The following PZP variants were observed in gnomAD, a reference collection of about 807,000 sequenced individuals.
PZP encodes PZP alpha-2-macroglobulin like.
In PZP, 150 loss-of-function variants were observed where a neutral mutation model predicts 179.8. That is an observed-to-expected ratio of 0.83 (90% CI 0.73 to 0.96). PZP has a LOEUF of 0.96. Ranked by LOEUF, PZP falls within the 40% of genes least tolerant of loss-of-function variation. The pLI is 0.00. For synonymous variants in PZP, 624 were observed against 652.3 expected (o/e 0.96, Z 0.66); for missense variants, 1,689 against 1,764.0 (o/e 0.96, Z 0.76).
At chr12:9,177,261 G>T (rs1162027953) in intron 15 of PZP, among the ~76,000 whole-genome samples, 2 of 152,208 alleles carry the variant, frequency 1.3e-5, no homozygotes, top group East Asian at 3.9e-4. Context: ...ATGCTCTGGA[G>T]AAAATCAGTT....
At chr12:9,148,028 AACTACTCTCATGCCATTTGATTT>A (rs1462125855), downstream of PZP, among the ~76,000 whole-genome samples, 57 of 152,204 alleles carry the variant, frequency 3.7e-4, 2 homozygotes, top group African/African-American at 1.3e-3. Flanking sequence ...AAAAGGCATT[AACTACTCTCATGCCATTTGATTT>A]TACCATCTGC....
Position 9,161,036 on chromosome 12 carries a change from G to T in PZP, c.2869C>A (p.Leu957Met). The T allele has an allele frequency of 1.3e-6, 2 of 1,581,290 alleles. No homozygotes were observed. The highest frequency in any genetic ancestry group is 1.7e-6 in the Non-Finnish European group (2 of 1,150,224). The change falls in exon 23 of 36, where the codon CTG (leucine) becomes ATG (methionine). Residue 957 changes from leucine to methionine, a missense_variant. This residue lies in a region of PZP where 746 missense variants were observed against 749.2 expected (regional missense o/e 1.00). Coordinates refer to ENST00000261336, the MANE Select transcript of PZP (RefSeq NM_002864.3). ...KESARASFSVLGDILGSAMQN... is the reference protein window; with the variant it reads ...KESARASFSVMGDILGSAMQN... ...TACTAAATGGAAGGTGACTCACCCA[G>T]AACTGAGAAAGAAGCTCTGGCAGAT...
At chr12:9,157,618 T>C in intron 27 of PZP, 149 bp downstream of exon 27, 1 of 761,828 alleles carries the variant, frequency 1.3e-6, no homozygotes, top group Non-Finnish European at 2.1e-6. Context: ...TAAATCTCTC[T>C]TAATGCATCA....
chr12:9,160,205 G>A, intron 24 of PZP, 109 bp downstream of exon 24: 1 of 1,201,628 alleles, frequency 8.3e-7, no homozygotes. Flanking sequence ...GAAGATTGTT[G>A]TTTTCATAAA....
chr12:9,138,651 T>C, the PZP span, among the ~76,000 whole-genome samples: 1 of 152,066 alleles, frequency 6.6e-6, no homozygotes, highest in Non-Finnish European at 1.5e-5. Flanking sequence ...GTTAGAAGGA[T>C]TTTTGTTATT....
intron 13 of PZP, among the ~76,000 whole-genome samples, chr12:9,182,720 A>G (rs1942849795): frequency 6.6e-6 from 1 of 152,230 alleles, no homozygotes; most frequent in Non-Finnish European, 1.5e-5. Flanking sequence ...GTGAAGGGCC[A>G]CCAGGTAGCT....
Position 9,203,574 on chromosome 12 carries a change from C to G in PZP, c.267+194G>C, listed in dbSNP as rs184500246. Among the ~76,000 whole-genome samples the G allele has an allele frequency of 1.1e-3, 163 of 152,224 alleles. 1 individual carries two copies. The highest frequency in any genetic ancestry group is 2.4e-3 in the Admixed American group (37 of 15,286). ...GCCAGGATGGTCTCGATCTCCTGAC[C>G]TCGTGATCTGCCCGCCTTGGCTTCC... On this transcript the variant is annotated intron_variant, in intron 2 of 35. Coordinates refer to ENST00000261336, the MANE Select transcript of PZP (RefSeq NM_002864.3).
intron 17 of PZP, 187 bp downstream of exon 17, chr12:9,168,682 A>T (rs1007764042): frequency 2.3e-6 from 1 of 441,262 alleles, no homozygotes. Context: ...GGATGTATCT[A>T]AAAAAAAATC....
the PZP span, among the ~76,000 whole-genome samples, chr12:9,140,968 T>C: frequency 6.6e-6 from 1 of 152,220 alleles, no homozygotes; most frequent in Non-Finnish European, 1.5e-5. Context: ...ATTGCACTGA[T>C]GGAAATAACT....
At chr12:9,164,671 G>T (rs984826018) in intron 19 of PZP, among the ~76,000 whole-genome samples, 19 of 152,216 alleles carry the variant, frequency 1.2e-4, no homozygotes, top group African/African-American at 4.3e-4. Flanking sequence ...TAGATGAGAG[G>T]CTCCCGATCT....
At chr12:9,146,100 T>G (rs776457559), downstream of PZP, among the ~76,000 whole-genome samples, 1 of 152,314 alleles carries the variant, frequency 6.6e-6, no homozygotes, top group East Asian at 1.9e-4. Context: ...ATTATTTCTA[T>G]GAATAAGTTT....
At chr12:9,157,153 TC>T in intron 28 of PZP, 21 bp downstream of exon 28, 1 of 1,605,072 alleles carries the variant, frequency 6.2e-7, no homozygotes, top group Non-Finnish European at 8.5e-7. Context: ...ATTGTTCAGC[TC>T]CCACTTATAA....
rs1485739457 is a variant in PZP at position 9,196,753 on chromosome 12, C to G, written c.868-68G>C. The G allele has an allele frequency of 4.4e-6, 6 of 1,376,362 alleles. No individual in the cohort carries two copies. The Admixed American group carries it at 6.9e-5, about 16-fold the overall frequency. The allele number at this position is 1,376,362 out of a possible 1,614,324, so 85.3% of individuals were successfully genotyped here. A position where few individuals can be genotyped will look rare whatever the true frequency, so the allele number is the denominator to read the frequency against. Reference sequence around the variant, plus strand: ...ATCAATAGTCACTGAATCTACTATTCTGTCTCTAATGACAAGAAAACTTTT... The same window carrying G: ...ATCAATAGTCACTGAATCTACTATTGTGTCTCTAATGACAAGAAAACTTTT... On this transcript the variant is annotated intron_variant, in intron 8 of 35. Coordinates refer to ENST00000261336, the MANE Select transcript of PZP (RefSeq NM_002864.3).
At chr12:9,201,435 A>G in intron 4 of PZP, 88 bp from the exon 5 acceptor site, 1 of 1,015,368 alleles carries the variant, frequency 9.8e-7, no homozygotes, top group Admixed American at 2.2e-5. Context: ...AAACTGAGGA[A>G]GAATATTATC....
chr12:9,196,089 T>A (rs754191120), intron 10 of PZP, among the ~76,000 whole-genome samples: 2 of 152,326 alleles, frequency 1.3e-5, no homozygotes, highest in East Asian at 3.9e-4. Context: ...TAAGTCACAT[T>A]ACATTAAGTA....
intron 21 of PZP, among the ~76,000 whole-genome samples, chr12:9,163,072 G>T (rs12321232): frequency 0.24 from 35,753 of 151,878 alleles, 4,367 homozygotes; most frequent in East Asian, 0.42. Context: ...AAACATTGAA[G>T]AACCAGGGAG....
chr12:9,157,788 C>T lies in PZP; in HGVS notation c.3348G>A (p.Leu1116=). 6.2e-7 allele frequency: 1 copy of T among 1,613,996 alleles called. No homozygotes were observed. Among genetic ancestry groups the T allele is most frequent in the Non-Finnish European group, 8.5e-7 (1 of 1,179,906 alleles). ...CTACAGTGACTGGGAGAGGAATTTC[C>T]AGAAGGGCAATAGTAACATAGGCGG... ...TLSAYVTIAL[L]EIPLPVTNPI... Residue 1116 remains leucine, a synonymous_variant, in exon 27 of 36, where the codon CTG becomes CTA. Coordinates refer to ENST00000261336, the MANE Select transcript of PZP (RefSeq NM_002864.3).
intron 3 of PZP, 72 bp downstream of exon 3, chr12:9,202,453 G>T: frequency 1.9e-6 from 3 of 1,612,134 alleles, no homozygotes; most frequent in South Asian, 2.2e-5. Context: ...ACGGGGCTAG[G>T]ATAATGGAGA....
Position 9,200,951 on chromosome 12 carries a change from A to T in PZP, c.611T>A (p.Val204Glu). The T allele has an allele frequency of 6.2e-7, 1 of 1,613,976 alleles. No individual in the cohort carries two copies. Among genetic ancestry groups the T allele is most frequent in the Non-Finnish European group, 8.5e-7 (1 of 1,179,930 alleles). ...TCCACCTGATTCTGTCTGTACCACC[A>T]CCCTGTAGGAGCCCTGAATGGGCTC... ...SSEPIQGSYR[V>E]VVQTESGGRI... Residue 204 changes from valine to glutamate, a missense_variant, in exon 6 of 36, where the codon GTG becomes GAG. Around this residue, in one of 3 missense-constraint regions of PZP, gnomAD observed 742 missense variants for 730.5 expected, o/e 1.02. Coordinates refer to ENST00000261336, the MANE Select transcript of PZP (RefSeq NM_002864.3).
Sources: gnomAD v4.1 joint callset for allele counts (sites outside exome capture counted in the v4.1 genomes callset) on GRCh38, gnomAD v4.1.1 for gene constraint, gnomAD v4.1.1 regional missense constraint, MANE v1.5 for transcripts, NCBI Gene and HGNC (gene_info 2026-07-23, HGNC 2026-07-21) for gene names.